TNFRSF1B: variants seen among roughly 807,000 people sequenced by gnomAD.
The protein encoded by TNFRSF1B is TNF receptor superfamily member 1B.
In TNFRSF1B, 19 loss-of-function variants were observed where a neutral mutation model predicts 44.6. That is an observed-to-expected ratio of 0.43 (90% confidence interval 0.30 to 0.62). The LOEUF (loss-of-function observed/expected upper bound fraction) is 0.62. Among genes scored for constraint, TNFRSF1B ranks in the 20% least tolerant of loss-of-function variants. The probability of loss-of-function intolerance (pLI) is 0.16; values close to 1 mark genes in which losing one functional copy is unlikely to be tolerated. For synonymous variants in TNFRSF1B, 252 were observed against 261.1 expected, an observed-to-expected ratio of 0.97 and a Z score of 0.34; for missense variants, 541 against 619.9, an observed-to-expected ratio of 0.87 and a Z score of 1.35.
intron 8 of TNFRSF1B, among the ~76,000 whole-genome samples, chr1:12,201,684 C>T (rs1639392766): frequency 1.3e-5 from 2 of 152,254 alleles, no homozygotes; most frequent in South Asian, 4.1e-4. Context: ...AAATCCTGCC[C>T]CACCTCTAAG....
intron 1 of TNFRSF1B, among the ~76,000 whole-genome samples, chr1:12,185,879 G>C (rs1437801098): frequency 6.6e-6 from 1 of 152,196 alleles, no homozygotes; most frequent in South Asian, 2.1e-4. Context: ...CCCATCTAGC[G>C]AGGGGCCCAG....
chr1:12,202,263 C>T (rs889435076), intron 9 of TNFRSF1B, 92 bp downstream of exon 9: 37 of 1,491,100 alleles, frequency 2.5e-5, no homozygotes, highest in Middle Eastern at 4.8e-4. Context: ...TGAGCCTCCC[C>T]GCAGGGTGGG....
At chr1:12,175,657 T>C (rs1638638638) in intron 1 of TNFRSF1B, among the ~76,000 whole-genome samples, 1 of 152,172 alleles carries the variant, frequency 6.6e-6, no homozygotes, top group South Asian at 2.1e-4. Context: ...CTTCCTGTCC[T>C]GGCCCCCAGC....
chr1:12,192,741 G>T, intron 5 of TNFRSF1B, 122 bp from the exon 6 acceptor site: 1 of 936,962 alleles, frequency 1.1e-6, no homozygotes, highest in Non-Finnish European at 1.6e-6. Context: ...GGAGGGGGTG[G>T]TCCTCAGAGA....
In TNFRSF1B at chr1:12,208,879, G is replaced by C. The variant is rs1433409577; in HGVS notation, c.*1859G>C. 1 of 152,264 alleles carries C rather than the reference G, an allele frequency of 6.6e-6. No individual in the cohort carries two copies. The highest frequency in any genetic ancestry group is 1.5e-5 in the Non-Finnish European group (1 of 68,094). 9.4% of individuals were successfully genotyped at this position (152,264 alleles called of 1,614,324 possible). On this transcript the variant is annotated 3_prime_UTR_variant, in exon 10 of 10. Coordinates refer to ENST00000376259, the MANE Select transcript of TNFRSF1B (RefSeq NM_001066.3). The stretch of plus-strand genomic sequence containing the variant: ...GAGGATCACTGGAGCCCAGGAGTTT[G>C]AGGCTGCAGCGAGCTATGATCGCGC...
At position 12,180,030 on chromosome 1, in the gene TNFRSF1B, C is replaced by T. The variant is rs528845641; in HGVS notation, c.79-8766C>T. 2.0e-5 allele frequency among the ~76,000 whole-genome samples: 3 copies of T among 151,982 alleles called. No individual in the cohort carries two copies. Among genetic ancestry groups the T allele is most frequent in the Non-Finnish European group, 4.4e-5 (3 of 67,972 alleles). Reference sequence around the variant, plus strand: ...GCCACCTCCCCACCGCATCATCTTCCGTTCTCAGCGGGTAGATCCCTGCCC... The same window carrying T: ...GCCACCTCCCCACCGCATCATCTTCTGTTCTCAGCGGGTAGATCCCTGCCC... On this transcript the variant is annotated intron_variant, in intron 1 of 9. Coordinates refer to ENST00000376259, the MANE Select transcript of TNFRSF1B (RefSeq NM_001066.3). The surrounding 1 kb of genome is among the most constrained non-coding windows in gnomAD (Gnocchi z 4.3).
rs1638680782 is a variant in TNFRSF1B, at chr1:12,177,262, C to A, written c.78+10093C>A. 6.6e-6 allele frequency among the ~76,000 whole-genome samples: 1 copy of A among 152,186 alleles called. No homozygotes were observed. The highest frequency in any genetic ancestry group is 1.5e-5 in the Non-Finnish European group (1 of 68,026). On this transcript the variant is annotated intron_variant, in intron 1 of 9. Coordinates refer to ENST00000376259, the MANE Select transcript of TNFRSF1B (RefSeq NM_001066.3). The surrounding 1 kb of genome is among the most constrained non-coding windows in gnomAD (Gnocchi z 4.3). ...CCTCAGGTGATCCACCTGCCTTGGC[C>A]TCCCAGAGTGCTGGGATTACAGGCG...
At chr1:12,205,788 AT>A (rs3078840) in intron 9 of TNFRSF1B, among the ~76,000 whole-genome samples, 17 of 147,404 alleles carry the variant, frequency 1.2e-4, no homozygotes, top group Admixed American at 2.0e-4. Context: ...TACCCGGCTA[AT>A]TTTTTTTTTT....
At chr1:12,198,138 A>C (rs1570168712) in intron 8 of TNFRSF1B, among the ~76,000 whole-genome samples, 1 of 151,978 alleles carries the variant, frequency 6.6e-6, no homozygotes, top group Admixed American at 6.6e-5. Context: ...AAAAAAAAAA[A>C]AAACCAATAT....
chr1:12,170,936 A>C (rs145657513), intron 1 of TNFRSF1B, among the ~76,000 whole-genome samples: 4,173 of 151,072 alleles, frequency 0.028, 76 homozygotes, highest in Non-Finnish European at 0.044. Context: ...TCAGCCTCCC[A>C]AAGTGCTGGG....
rs969532281 is a variant in TNFRSF1B at position 12,187,947 on chromosome 1, G to A, written c.79-849G>A. Among the ~76,000 whole-genome samples the A allele has an allele frequency of 6.6e-6, 1 of 152,162 alleles. No homozygotes were observed. The highest frequency in any genetic ancestry group is 2.1e-4 in the South Asian group (1 of 4,832). The stretch of plus-strand genomic sequence containing the variant: ...ATCAGCCAACACCCACAGCAGCTGG[G>A]GGAGCGGTGCCCTGCTGGCAGCAGG... On this transcript the variant is annotated intron_variant, in intron 1 of 9. Transcript: ENST00000376259. This position sits in a 1 kb window ranked among gnomAD's most constrained non-coding sequence, Gnocchi z 5.5.
Position 12,180,151 on chromosome 1 carries a change from C to T in TNFRSF1B, c.79-8645C>T, listed in dbSNP as rs1488822681. On this transcript the variant is annotated intron_variant, in intron 1 of 9. Transcript: ENST00000376259. The surrounding 1 kb of genome is among the most constrained non-coding windows in gnomAD (Gnocchi z 4.3). ...CGGAACATTGAAAAGCCATGAAGGC[C>T]GGGCACAGCGGCTCACGCCTGTAAT... 2.6e-5 allele frequency among the ~76,000 whole-genome samples: 4 copies of T among 152,154 alleles called. No homozygotes were observed. Among genetic ancestry groups the T allele is most frequent in the South Asian group, 4.1e-4 (2 of 4,820 alleles).
intron 8 of TNFRSF1B, among the ~76,000 whole-genome samples, chr1:12,200,016 TGGAAATG>T (rs1020503789): frequency 6.6e-6 from 1 of 152,092 alleles, no homozygotes; most frequent in Non-Finnish European, 1.5e-5. Context: ...TGTGCGTGTC[TGGAAATG>T]GGGACCTTGC....
At chr1:12,175,505 G>C (rs2101081324) in intron 1 of TNFRSF1B, among the ~76,000 whole-genome samples, 1 of 152,202 alleles carries the variant, frequency 6.6e-6, no homozygotes, top group African/African-American at 2.4e-5. Flanking sequence ...CCAGTGCCCT[G>C]GGTGCCCCTG....
At chr1:12,196,307 AAAAAT>A (rs1289250920) in intron 8 of TNFRSF1B, among the ~76,000 whole-genome samples, 7 of 152,340 alleles carry the variant, frequency 4.6e-5, no homozygotes, top group South Asian at 2.1e-4. Context: ...TCTCAAAAGA[AAAAAT>A]AAAATAAAAT....
chr1:12,195,292 C>T (rs1280230563), intron 8 of TNFRSF1B, among the ~76,000 whole-genome samples: 1 of 152,190 alleles, frequency 6.6e-6, no homozygotes, highest in African/African-American at 2.4e-5. Flanking sequence ...TGCAAGTAAC[C>T]CCAAACCTAC....
rs1639551950 is a variant in TNFRSF1B at position 12,208,053 on chromosome 1, C to T, written c.*1033C>T. On this transcript the variant is annotated 3_prime_UTR_variant, in exon 10 of 10. Transcript: ENST00000376259. ...AGATAACGCACTTCTAACTAGAAAT[C>T]TGCCAATTTTTTAAAAAAGTAAGTA... The T allele has an allele frequency of 6.6e-6, 1 of 152,326 alleles. No homozygotes were observed. The highest frequency in any genetic ancestry group is 1.5e-5 in the Non-Finnish European group (1 of 68,050). The allele number at this position is 152,326 out of a possible 1,614,324, so 9.4% of individuals were successfully genotyped here. A position where few individuals can be genotyped will look rare whatever the true frequency, so the allele number is the denominator to read the frequency against.
chr1:12,193,015 C>T lies in TNFRSF1B; in HGVS notation c.704C>T (p.Thr235Ile), dbSNP rs1277661952. 6.2e-7 allele frequency: 1 copy of T among 1,614,136 alleles called. No homozygotes were observed. Among genetic ancestry groups the T allele is most frequent in the Non-Finnish European group, 8.5e-7 (1 of 1,180,054 alleles). Reference protein sequence around the residue: ...QHTQPTPEPSTAPSTSFLLPM... With the variant: ...QHTQPTPEPSIAPSTSFLLPM... ...ACGCAGCCAACTCCAGAACCCAGCA[C>T]TGCTCCAAGCACCTCCTTCCTGCTC... is the stretch of plus-strand genomic sequence containing the variant. The change falls in exon 6 of 10, where the codon ACT becomes ATT. Residue 235 changes from threonine to isoleucine, a missense_variant. By Grantham distance (89) the Thr-to-Ile change is moderately conservative. Transcript: ENST00000376259.
chr1:12,167,343 G>A (rs1051629960), intron 1 of TNFRSF1B, among the ~76,000 whole-genome samples, 174 bp downstream of exon 1: 1 of 152,228 alleles, frequency 6.6e-6, no homozygotes, highest in East Asian at 1.9e-4. Flanking sequence ...CTGGGGACCC[G>A]CTGGGGACTC....
Sources: gnomAD v4.1 joint callset for allele counts (sites outside exome capture counted in the v4.1 genomes callset) on GRCh38, gnomAD v4.1.1 for gene constraint, Gnocchi (gnomAD v3.1) non-coding constraint, MANE v1.5 for transcripts, NCBI Gene and HGNC (gene_info 2026-07-23, HGNC 2026-07-21) for gene names.